Variants in BACH2 observed in about 807,000 individuals in gnomAD.
The protein encoded by BACH2 is transcription regulator protein BACH2.
In BACH2, 5 loss-of-function variants were observed where a neutral mutation model predicts 61.8. That is an observed-to-expected ratio of 0.08 (90% confidence interval 0.04 to 0.17). The LOEUF (loss-of-function observed/expected upper bound fraction) is 0.17, where lower values mean the gene tolerates loss of function less well. Ranked by LOEUF, BACH2 falls within the 10% of genes least tolerant of loss-of-function variation. The pLI is 1.00. For synonymous variants in BACH2, 446 were observed against 440.1 expected, an observed-to-expected ratio of 1.01 and a Z score of -0.17; for missense variants, 824 against 1,091.1, an observed-to-expected ratio of 0.76 and a Z score of 3.45.
At chr6:90,151,111 T>A (rs765190102) in intron 4 of BACH2, among the ~76,000 whole-genome samples, 1 of 152,194 alleles carries the variant, frequency 6.6e-6, no homozygotes, top group African/African-American at 2.4e-5. Flanking sequence ...TTGACTAGCA[T>A]AGATCTTTCC....
chr6:90,110,407 C>G (rs1186779882), intron 4 of BACH2, among the ~76,000 whole-genome samples: 2 of 152,130 alleles, frequency 1.3e-5, no homozygotes, highest in Non-Finnish European at 2.9e-5. Flanking sequence ...ATAACATTAC[C>G]CATTTGGTCA....
chr6:90,279,312 C>T (rs1771786179), intron 1 of BACH2, among the ~76,000 whole-genome samples: 1 of 152,022 alleles, frequency 6.6e-6, no homozygotes, highest in Non-Finnish European at 1.5e-5. Context: ...CACCTGAGAT[C>T]AGGAGTTTCA....
chr6:90,279,220 C>T (rs1310354845), intron 1 of BACH2, among the ~76,000 whole-genome samples: 1 of 151,762 alleles, frequency 6.6e-6, no homozygotes, highest in African/African-American at 2.4e-5. Context: ...CTAAATCTTG[C>T]TCTTAAAAAA....
intron 4 of BACH2, among the ~76,000 whole-genome samples, chr6:90,142,561 T>C (rs181400445): frequency 1.3e-5 from 2 of 152,270 alleles, no homozygotes; most frequent in East Asian, 3.9e-4. Flanking sequence ...AATAAAATAA[T>C]AGAGGAGTGT....
At chr6:90,247,009 T>C (rs1770657549) in intron 3 of BACH2, among the ~76,000 whole-genome samples, 1 of 152,184 alleles carries the variant, frequency 6.6e-6, no homozygotes, top group Non-Finnish European at 1.5e-5. Flanking sequence ...GTTTTTGATA[T>C]TACAAATGTG....
chr6:90,278,399 T>C (rs1030169931), intron 1 of BACH2, among the ~76,000 whole-genome samples: 31 of 152,250 alleles, frequency 2.0e-4, no homozygotes, highest in Non-Finnish European at 1.3e-4. Context: ...CATGGAGACC[T>C]TTCCAGGCCG....
intron 1 of BACH2, 124 bp downstream of exon 1, chr6:90,296,356 G>T (rs1289115338): frequency 6.6e-6 from 1 of 150,850 alleles, no homozygotes; most frequent in Admixed American, 6.6e-5. Flanking sequence ...CCCGGCGGCC[G>T]GGGCTCCCTT....
chr6:90,140,641 G>A (rs1231186138), intron 4 of BACH2, among the ~76,000 whole-genome samples: 1 of 152,168 alleles, frequency 6.6e-6, no homozygotes, highest in Non-Finnish European at 1.5e-5. Flanking sequence ...AAATAGACAT[G>A]AAATCCTCTA....
rs1471175025 is a variant in BACH2 at position 89,927,702 on chromosome 6, A to C, written c.*4706T>G. On this transcript the variant is annotated 3_prime_UTR_variant, in exon 9 of 9. Coordinates refer to ENST00000257749, the MANE Select transcript of BACH2 (RefSeq NM_021813.4). The stretch of plus-strand genomic sequence containing the variant: ...GCAGCATCGTTTTCATATTACATTT[A>C]AAATGCACTGATATTCATTTGATAG... The C allele has an allele frequency of 6.5e-6, 1 of 152,832 alleles. No individual in the cohort carries two copies. The highest frequency in any genetic ancestry group is 1.5e-5 in the Non-Finnish European group (1 of 68,052). 9.5% of individuals were successfully genotyped at this position (152,832 alleles called of 1,614,324 possible).
intron 1 of BACH2, among the ~76,000 whole-genome samples, chr6:90,284,254 C>T (rs896324180): frequency 1.2e-4 from 19 of 152,140 alleles, no homozygotes; most frequent in Admixed American, 3.9e-4. Context: ...TGTAGACATA[C>T]GGAAATGGGC....
Position 89,928,132 on chromosome 6 carries a change from C to CA in BACH2, c.*4275dup, listed in dbSNP as rs1772450922. The CA allele has an allele frequency of 6.6e-6, 1 of 152,220 alleles. No individual in the cohort carries two copies. The highest frequency in any genetic ancestry group is 1.5e-5 in the Non-Finnish European group (1 of 67,998). The allele number at this position is 152,220 out of a possible 1,614,324, so 9.4% of individuals were successfully genotyped here. ...CAGCTTTATTCTTAGAAAACAAAAA[C>CA]AAAAACAAAAAACACCTTGTTCTTT... On this transcript the variant is annotated 3_prime_UTR_variant, in exon 9 of 9. Coordinates refer to ENST00000257749, the MANE Select transcript of BACH2 (RefSeq NM_021813.4).
chr6:90,222,305 A>G (rs1335660294), intron 3 of BACH2, among the ~76,000 whole-genome samples: 1 of 152,228 alleles, frequency 6.6e-6, no homozygotes, highest in East Asian at 1.9e-4. Flanking sequence ...AATGGCAACA[A>G]TGTGAAGAAG....
intron 4 of BACH2, among the ~76,000 whole-genome samples, chr6:90,194,070 T>A (rs1185088747): frequency 6.6e-6 from 1 of 152,108 alleles, no homozygotes; most frequent in Non-Finnish European, 1.5e-5. Flanking sequence ...CCACTTAATT[T>A]TTTTTTTTTG....
chr6:90,146,140 G>C (rs1407058095), intron 4 of BACH2, among the ~76,000 whole-genome samples: 1 of 152,230 alleles, frequency 6.6e-6, no homozygotes, highest in African/African-American at 2.4e-5. Context: ...GGGGTAGTGA[G>C]GTTTGGGGTT....
At chr6:90,027,473 G>T (rs1007303526) in intron 5 of BACH2, among the ~76,000 whole-genome samples, 5 of 152,238 alleles carry the variant, frequency 3.3e-5, no homozygotes, top group African/African-American at 1.2e-4. Flanking sequence ...TATTAAGGAA[G>T]AGATTTTTTT....
At chr6:90,243,046 AT>A (rs397886318) in intron 3 of BACH2, among the ~76,000 whole-genome samples, 1,622 of 101,238 alleles carry the variant, frequency 0.016, 31 homozygotes, top group African/African-American at 0.055. Flanking sequence ...TGCCCGGCTA[AT>A]TTTTTTTTTT....
chr6:90,221,150 T>C (rs1769721419), intron 3 of BACH2, among the ~76,000 whole-genome samples: 1 of 152,242 alleles, frequency 6.6e-6, no homozygotes, highest in African/African-American at 2.4e-5. Flanking sequence ...AAGTGAAATC[T>C]TCAATCAAAC....
At position 89,931,502 on chromosome 6, in the gene BACH2, G is replaced by C. The variant is rs571787112; in HGVS notation, c.*906C>G. The C allele has an allele frequency of 6.6e-6, 1 of 152,612 alleles. No individual in the cohort carries two copies. The highest frequency in any genetic ancestry group is 2.1e-4 in the South Asian group (1 of 4,804). The allele number at this position is 152,612 out of a possible 1,614,324, so 9.5% of individuals were successfully genotyped here. On this transcript the variant is annotated 3_prime_UTR_variant, in exon 9 of 9. Coordinates refer to ENST00000257749, the MANE Select transcript of BACH2 (RefSeq NM_021813.4). ...ATATACAGTATACTTGAGTTATACC[G>C]AAGTTACAACTTCATTTAAGAAAAT... is the stretch of plus-strand genomic sequence containing the variant.
intron 7 of BACH2, among the ~76,000 whole-genome samples, chr6:89,946,742 G>A (rs1380932889): frequency 6.6e-6 from 1 of 152,142 alleles, no homozygotes; most frequent in African/African-American, 2.4e-5. Flanking sequence ...ATAGAGAGGT[G>A]AATATATATT....
Sources: allele counts gnomAD v4.1 joint callset (sites outside exome capture counted in the v4.1 genomes callset), GRCh38; gene constraint gnomAD v4.1.1; transcripts MANE v1.5; gene names NCBI Gene and HGNC (gene_info 2026-07-23, HGNC 2026-07-21).